PTK2: variants seen among roughly 807,000 people sequenced by gnomAD.
PTK2 encodes focal adhesion kinase 1.
Under a neutral mutation model 150.1 loss-of-function variants are expected in PTK2, and 45 were observed. That is an observed-to-expected ratio of 0.30 (90% CI 0.24 to 0.38). The LOEUF (loss-of-function observed/expected upper bound fraction) is 0.38, where lower values mean the gene tolerates loss of function less well. Ranked by LOEUF, PTK2 falls within the 10% of genes least tolerant of loss-of-function variation. The pLI is 1.00. For missense variants in PTK2, 919 were observed against 1,307.3 expected (o/e 0.70, Z 4.58); for synonymous variants, 432 against 449.2 (o/e 0.96, Z 0.48).
At chr8:140,761,380 T>C (rs2100069356) in intron 15 of PTK2, 118 bp from the exon 19 acceptor site, 3 of 828,942 alleles carry the variant, frequency 3.6e-6, no homozygotes, top group Admixed American at 1.7e-5. Context: ...CATCAATCTA[T>C]GAAAATGCTT....
intron 23 of PTK2, among the ~76,000 whole-genome samples, chr8:140,708,211 GTC>G (rs1247931884): frequency 1.3e-5 from 2 of 152,164 alleles, no homozygotes; most frequent in Admixed American, 6.5e-5. Flanking sequence ...CTTAGTGTCT[GTC>G]TCTCTCTCCC....
Position 140,674,417 on chromosome 8 carries a change from A to G in PTK2, c.2603-13T>C. On this transcript the variant is annotated splice_polypyrimidine_tract_variant and intron_variant, in intron 28 of 31. Transcript: ENST00000522684. ...GGAGCTGCAGGATCTGGTGAGAGAG[A>G]ATGATTCCCATTAAGTCATGTGCGT... is the stretch of plus-strand genomic sequence containing the variant. 14 of 1,571,822 alleles carry G rather than the reference A, an allele frequency of 8.9e-6. No individual in the cohort carries two copies. The highest frequency in any genetic ancestry group is 1.2e-5 in the Non-Finnish European group (14 of 1,156,538).
At chr8:140,811,702 C>T (rs942204642) in intron 10 of PTK2, among the ~76,000 whole-genome samples, 20 of 152,076 alleles carry the variant, frequency 1.3e-4, no homozygotes, top group African/African-American at 4.6e-4. Flanking sequence ...GAAAAAATAG[C>T]CAGAATAGAA....
intron 2 of PTK2, 43 bp downstream of exon 2, chr8:140,925,618 C>T (rs1286348583): frequency 1.0e-6 from 1 of 976,410 alleles, no homozygotes; most frequent in Non-Finnish European, 1.2e-6. Flanking sequence ...ACAGTACTGG[C>T]ATTATTCACT....
At chr8:140,722,259 C>G (rs535457622) in intron 22 of PTK2, among the ~76,000 whole-genome samples, 1 of 152,226 alleles carries the variant, frequency 6.6e-6, no homozygotes, top group East Asian at 1.9e-4. Context: ...AGGTGTGATC[C>G]ACTGTGCCTG....
At chr8:140,872,951 T>TTATA (rs2100143389) in intron 4 of PTK2, among the ~76,000 whole-genome samples, 1 of 152,240 alleles carries the variant, frequency 6.6e-6, no homozygotes. Context: ...TCACATGATG[T>TTATA]TATACAGCTA....
chr8:140,927,455 G>A (rs1193468103), intron 1 of PTK2: 2 of 152,148 alleles, frequency 1.3e-5, no homozygotes, highest in African/African-American at 2.4e-5. Flanking sequence ...TAAAGGCTCT[G>A]GGTTACTTGT....
intron 14 of PTK2, among the ~76,000 whole-genome samples, chr8:140,777,615 C>T (rs998795702): frequency 6.6e-6 from 1 of 152,240 alleles, no homozygotes; most frequent in African/African-American, 2.4e-5. Context: ...AATAGCCAGA[C>T]AATCCATAAC....
intron 8 of PTK2, chr8:140,821,407 G>C (rs952633453): frequency 1.3e-5 from 2 of 152,216 alleles, no homozygotes; most frequent in Admixed American, 6.5e-5. Context: ...ACATTTGGAT[G>C]ATCATATGCA....
intron 1 of PTK2, among the ~76,000 whole-genome samples, chr8:140,967,713 C>T (rs1468209294): frequency 6.6e-6 from 1 of 152,122 alleles, no homozygotes; most frequent in Non-Finnish European, 1.5e-5. Context: ...CCGCCTCGGC[C>T]TCCCAAAGTG....
At chr8:140,791,923 G>A (rs1482087629) in intron 13 of PTK2, among the ~76,000 whole-genome samples, 1 of 152,230 alleles carries the variant, frequency 6.6e-6, no homozygotes, top group Non-Finnish European at 1.5e-5. Context: ...ACGGGCTCCT[G>A]CAAGCTAGGT....
At chr8:140,659,390 G>A (rs999294585) in exon 32 of PTK2, 4 of 1,353,456 alleles carry the variant, frequency 3.0e-6, no homozygotes, top group African/African-American at 2.9e-5. Flanking sequence ...AGGACACAGG[G>A]TTAATTCCTC....
intron 2 of PTK2, among the ~76,000 whole-genome samples, chr8:140,913,132 CAGAAA>C (rs1452754148): frequency 1.3e-5 from 2 of 151,942 alleles, no homozygotes; most frequent in African/African-American, 4.8e-5. Flanking sequence ...ATATAAAGGT[CAGAAA>C]AGAAAACTAT....
At chr8:140,982,064 TAAAAAA>T (rs142919207) in intron 1 of PTK2, among the ~76,000 whole-genome samples, 1 of 112,344 alleles carries the variant, frequency 8.9e-6, no homozygotes, top group Admixed American at 8.3e-5. Context: ...ACCAACTCAA[TAAAAAA>T]AAAAAAAAAA....
intron 14 of PTK2, among the ~76,000 whole-genome samples, chr8:140,788,640 C>T (rs910785160): frequency 2.3e-4 from 35 of 152,082 alleles, no homozygotes; most frequent in Non-Finnish European, 4.3e-4. Context: ...GCTGAGATCG[C>T]GCCACTGCAC....
chr8:140,795,042 AG>A (rs1241017145), intron 12 of PTK2, among the ~76,000 whole-genome samples: 2 of 152,276 alleles, frequency 1.3e-5, no homozygotes, highest in Non-Finnish European at 2.9e-5. Context: ...AGCAAATGCA[AG>A]GCTTTACTGT....
chr8:140,713,093 A>G (rs1272972624), intron 23 of PTK2, among the ~76,000 whole-genome samples: 1 of 152,212 alleles, frequency 6.6e-6, no homozygotes, highest in African/African-American at 2.4e-5. Flanking sequence ...ATGTCTTCAC[A>G]TCAGATATTT....
rs138359775 is a variant in PTK2, at chr8:140,817,560, C to T, written c.867+717G>A. 4.5e-3 allele frequency among the ~76,000 whole-genome samples: 685 copies of T among 152,338 alleles called. 4 individuals carry two copies. Among genetic ancestry groups the T allele is most frequent in the African/African-American group, 0.016 (648 of 41,574 alleles). ...ATGCCCTTCTCAGTACACCCACCCT[C>T]ACACTGTTCTACTTTTCATCTCGGT... is the stretch of plus-strand genomic sequence containing the variant. On this transcript the variant is annotated intron_variant, in intron 10 of 31. Coordinates refer to ENST00000522684, the Ensembl canonical transcript of PTK2.
rs117539656 is a variant in PTK2, at chr8:140,908,428, T to G, written c.-33+17233A>C. On this transcript the variant is annotated intron_variant, in intron 2 of 31. Transcript: ENST00000522684. ...GTCCAAAAGATCTAGCTAACATCAC[T>G]GATTAATGTGGCTACACTAAATGAC... 4.8e-3 allele frequency among the ~76,000 whole-genome samples: 727 copies of G among 152,348 alleles called. 41 individuals are homozygous for G. In the East Asian group the frequency reaches 0.12, roughly 25 times the overall value.
Sources: allele counts gnomAD v4.1 joint callset (sites outside exome capture counted in the v4.1 genomes callset), GRCh38; gene constraint gnomAD v4.1.1; transcripts MANE v1.5; gene names NCBI Gene and HGNC (gene_info 2026-07-23, HGNC 2026-07-21).